UGT1A6: variants seen among roughly 807,000 people sequenced by gnomAD.
UGT1A6 encodes UDP-glucuronosyltransferase 1A6.
UGT1A6 carries 32 observed loss-of-function variants against 44.4 expected under a neutral mutation model. The ratio of observed to expected loss-of-function variants is 0.72; its 90% CI spans 0.54 to 0.97. The LOEUF (loss-of-function observed/expected upper bound fraction) is 0.97, where lower values mean the gene tolerates loss of function less well. UGT1A6 is among the 50% of genes least tolerant of loss of function. The pLI, the probability that UGT1A6 is intolerant of heterozygous loss-of-function variation, is 0.00. For synonymous variants in UGT1A6, 238 were observed against 248.5 expected (o/e 0.96, Z 0.40); for missense variants, 685 against 661.9 (o/e 1.03, Z -0.38).
intron 1 of UGT1A6, among the ~76,000 whole-genome samples, chr2:233,764,942 G>C (rs12479045): frequency 0.069 from 10,555 of 152,174 alleles, 509 homozygotes; most frequent in East Asian, 0.2. Flanking sequence ...TGAGAGTGGC[G>C]GGGAGAGAGG....
At position 233,693,042 on chromosome 2, in the gene UGT1A6, C is replaced by G. The variant is rs1189353497; in HGVS notation, c.38C>G (p.Ala13Gly). The G allele has an allele frequency of 6.2e-7, 1 of 1,614,012 alleles. No homozygotes were observed. The highest frequency in any genetic ancestry group is 8.5e-7 in the Non-Finnish European group (1 of 1,180,034). The change falls in exon 1 of 5, where the codon GCA becomes GGA. Residue 13 changes from alanine to glycine, a missense_variant. Ala to Gly is a moderately conservative substitution (Grantham distance 60). Coordinates refer to ENST00000305139, the MANE Select transcript of UGT1A6 (RefSeq NM_001072.4). Reference sequence around the variant, plus strand: ...CTTCGCTCATTTCAGAGAATTTCTGCAGGGGTTTTCTTCTTAGCACTTTGG... The same window carrying G: ...CTTCGCTCATTTCAGAGAATTTCTGGAGGGGTTTTCTTCTTAGCACTTTGG... Reference protein sequence around the residue: ...CLLRSFQRISAGVFFLALWGM... With the variant: ...CLLRSFQRISGGVFFLALWGM...
chr2:233,694,248 C>T (rs1050180711), intron 1 of UGT1A6, among the ~76,000 whole-genome samples: 1 of 151,938 alleles, frequency 6.6e-6, no homozygotes, highest in African/African-American at 2.4e-5. Flanking sequence ...GGACCTTGAG[C>T]CAGGGACCAG....
intron 1 of UGT1A6, chr2:233,743,981 G>GC: frequency 1.5e-6 from 2 of 1,297,888 alleles, no homozygotes; most frequent in Non-Finnish European, 2.0e-6. Flanking sequence ...CAGCACCCAG[G>GC]CGCAGGCCCG....
intron 1 of UGT1A6, among the ~76,000 whole-genome samples, chr2:233,698,935 C>T (rs1430482014): frequency 6.6e-6 from 1 of 152,234 alleles, no homozygotes; most frequent in Non-Finnish European, 1.5e-5. Flanking sequence ...CAGAGGGCTG[C>T]TTGGTTTCTG....
intron 1 of UGT1A6, among the ~76,000 whole-genome samples, chr2:233,751,389 A>G (rs557117107): frequency 6.6e-6 from 1 of 152,256 alleles, no homozygotes; most frequent in Admixed American, 6.5e-5. Context: ...CTTGTCTCAG[A>G]TAAGACTTTG....
Position 233,768,588 on chromosome 2 carries a change from T to TTC in UGT1A6, c.1301+150_1301+151insCT. 11 of 996,616 alleles carry TTC rather than the reference T, an allele frequency of 1.1e-5. No individual in the cohort carries two copies. In the East Asian group the frequency reaches 2.1e-4, roughly 19 times the overall value. The allele number at this position is 996,616 out of a possible 1,614,324, so 61.7% of individuals were successfully genotyped here. A position where few individuals can be genotyped will look rare whatever the true frequency, so the allele number is the denominator to read the frequency against. On this transcript the variant is annotated intron_variant, in intron 4 of 4. Transcript: ENST00000305139. ...ATCTGGATTTTTATTTCTTCTTTTT[T>TTC]TTTTTTTTTTTTTTTTGAGATGGAG...
At chr2:233,699,264 G>A (rs559256559) in intron 1 of UGT1A6, among the ~76,000 whole-genome samples, 7 of 152,114 alleles carry the variant, frequency 4.6e-5, no homozygotes, top group Non-Finnish European at 7.4e-5. Flanking sequence ...CTTCCTATAG[G>A]GGCTTGAATC....
chr2:233,772,315 A>T lies in UGT1A6; in HGVS notation c.1355A>T (p.Glu452Val). The change falls in exon 5 of 5, where the codon GAG becomes GTG. Residue 452 changes from glutamate to valine, a missense_variant. Physicochemically the swap from Glu to Val is moderately radical, Grantham distance 121. Transcript: ENST00000305139. ...AGCCTTCACAAGGACCGCCCGGTGG[A>T]GCCGCTGGACCTGGCCGTGTTCTGG... ...LSSLHKDRPV[E>V]PLDLAVFWVE... is the part of the protein sequence containing the mutation. 1 of 1,614,114 alleles carries T rather than the reference A, an allele frequency of 6.2e-7. No individual in the cohort carries two copies. The highest frequency in any genetic ancestry group is 8.5e-7 in the Non-Finnish European group (1 of 1,180,032).
chr2:233,727,163 C>T (rs1212217788), intron 1 of UGT1A6, among the ~76,000 whole-genome samples: 2 of 152,150 alleles, frequency 1.3e-5, no homozygotes, highest in Non-Finnish European at 2.9e-5. Flanking sequence ...TTTCAGGATG[C>T]TTTTTTCTGT....
chr2:233,742,570 A>C (rs1348152988), intron 1 of UGT1A6, among the ~76,000 whole-genome samples: 2 of 151,766 alleles, frequency 1.3e-5, no homozygotes, highest in Non-Finnish European at 2.9e-5. Flanking sequence ...TTCTGGCCGG[A>C]ATTGGGGGCT....
chr2:233,731,462 C>T (rs1354411631), intron 1 of UGT1A6, among the ~76,000 whole-genome samples: 13 of 152,008 alleles, frequency 8.6e-5, no homozygotes, highest in African/African-American at 2.4e-4. Context: ...CAGGCCCTGG[C>T]GTGTGATGTT....
intron 1 of UGT1A6, chr2:233,742,614 C>T (rs1692039877): frequency 6.6e-6 from 1 of 151,940 alleles, no homozygotes; most frequent in Admixed American, 6.5e-5. Context: ...TGGAGAACCA[C>T]GTTCAGGCTG....
In UGT1A6 at chr2:233,768,239, C is replaced by A. The variant is rs1699593098; in HGVS notation, c.1101C>A (p.Ala367=). Residue 367 remains alanine (A), a synonymous_variant, in exon 4 of 5, where the codon GCC becomes GCA. Coordinates refer to ENST00000305139, the MANE Select transcript of UGT1A6 (RefSeq NM_001072.4). ...NDLLGHPMTR[A]FITHAGSHGV... ...TCTCAGGTCACCCGATGACCCGTGC[C>A]TTTATCACCCATGCTGGTTCCCATG... 1 of 1,614,058 alleles carries A rather than the reference C, an allele frequency of 6.2e-7. No individual in the cohort carries two copies. The highest frequency in any genetic ancestry group is 1.3e-5 in the African/African-American group (1 of 74,904).
chr2:233,712,407 T>A (rs977773031), intron 1 of UGT1A6, among the ~76,000 whole-genome samples: 1 of 152,214 alleles, frequency 6.6e-6, no homozygotes, highest in East Asian at 1.9e-4. Context: ...GAGTCCTCTT[T>A]GAGCTTTACA....
Position 233,767,922 on chromosome 2 carries a change from A to G in UGT1A6, c.1067A>G (p.Gln356Arg), listed in dbSNP as rs72551351. The G allele has an allele frequency of 6.2e-7, 1 of 1,614,240 alleles. No individual in the cohort carries two copies. The highest frequency in any genetic ancestry group is 1.1e-5 in the South Asian group (1 of 91,086). ...ACGATACTTGTTAAGTGGCTACCCC[A>G]AAACGATCTGCTTGGTATGTTGGGC... ...NNTILVKWLP[Q>R]NDLLGHPMTR... Residue 356 changes from glutamine (Q) to arginine (R), a missense_variant, in exon 3 of 5, where the codon CAA (glutamine) becomes CGA (arginine). Physicochemically the swap from Gln to Arg is conservative, Grantham distance 43. Transcript: ENST00000305139.
At chr2:233,755,255 G>A (rs1695832666) in intron 1 of UGT1A6, 14 of 819,316 alleles carry the variant, frequency 1.7e-5, no homozygotes, top group South Asian at 1.2e-4. Flanking sequence ...CCAGCACCTC[G>A]TAGTAGTCCA....
At chr2:233,728,608 G>C (rs535590480) in intron 1 of UGT1A6, among the ~76,000 whole-genome samples, 2 of 152,172 alleles carry the variant, frequency 1.3e-5, no homozygotes, top group South Asian at 2.1e-4. Context: ...CAGCCTCCAC[G>C]CTGTTCAGAG....
chr2:233,760,764 C>T lies in UGT1A6; in HGVS notation c.862-6270C>T, dbSNP rs199766420. 1.0e-4 allele frequency: 164 copies of T among 1,614,088 alleles called. 1 individual carries two copies. The Middle Eastern group carries it at 2.1e-3, about 21-fold the overall frequency. ...ACCCTTTCCTTCCTTGCAGCCCCATCGTGGCCCAGTACCTGTCTCTGCCCA... is the reference window on the plus strand; with the variant it reads ...ACCCTTTCCTTCCTTGCAGCCCCATTGTGGCCCAGTACCTGTCTCTGCCCA... On this transcript the variant is annotated intron_variant, in intron 1 of 4. Transcript: ENST00000305139.
In UGT1A6 at chr2:233,693,566, C is replaced by G; in HGVS notation, c.562C>G (p.Pro188Ala). The change falls in exon 1 of 5, where the codon CCT becomes GCT. Residue 188 changes from proline (P) to alanine (A), a missense_variant. Transcript: ENST00000305139. ...GCATACATTCAGCAGAAGCCCAGAC[C>G]CTGTGTCCTACATTCCCAGGTGCTA... ...LEHTFSRSPD[P>A]VSYIPRCYTK... The G allele has an allele frequency of 6.2e-7, 1 of 1,614,202 alleles. No individual in the cohort carries two copies. Among genetic ancestry groups the G allele is most frequent in the Middle Eastern group, 1.6e-4 (1 of 6,062 alleles).
Sources: gnomAD v4.1 joint callset for allele counts (sites outside exome capture counted in the v4.1 genomes callset) on GRCh38, gnomAD v4.1.1 for gene constraint, MANE v1.5 for transcripts, NCBI Gene and HGNC (gene_info 2026-07-23, HGNC 2026-07-21) for gene names.